Variants in ERC1 observed in about 807,000 individuals in gnomAD.
ERC1 encodes RAB6 interacting protein 2.
ERC1 carries 56 observed loss-of-function variants against 132.0 expected under a neutral mutation model. The ratio of observed to expected loss-of-function variants is 0.42; its 90% CI spans 0.34 to 0.53. ERC1 has a LOEUF of 0.53. ERC1 is among the 20% of genes least tolerant of loss of function. The probability of loss-of-function intolerance (pLI) is 0.03; values close to 1 mark genes in which losing one functional copy is unlikely to be tolerated. For synonymous variants in ERC1, 478 were observed against 476.1 expected (o/e 1.00, Z -0.05); for missense variants, 1,202 against 1,349.9 (o/e 0.89, Z 1.72).
In ERC1 at chr12:1,309,274, CA is replaced by C. The variant is rs550179495; in HGVS notation, c.2780+19264del. Reference sequence around the variant, plus strand: ...TGTCGTATTGAACTGTGAAATACCACAAGCTAGTAATTTGCACACTGTCTGA... The same window carrying C: ...TGTCGTATTGAACTGTGAAATACCACAGCTAGTAATTTGCACACTGTCTGA... On this transcript the variant is annotated intron_variant, in intron 15 of 18. Transcript: ENST00000360905. 2.2e-3 allele frequency among the ~76,000 whole-genome samples: 329 copies of C among 152,294 alleles called. 5 individuals are homozygous for C. Among genetic ancestry groups the C allele is most frequent in the African/African-American group, 7.5e-3 (313 of 41,562 alleles).
chr12:1,440,889 A>G lies in ERC1; in HGVS notation c.3025-3673A>G, dbSNP rs549507138. On this transcript the variant is annotated intron_variant, in intron 17 of 18. Coordinates refer to ENST00000360905, the MANE Select transcript of ERC1 (RefSeq NM_178040.4). Reference sequence around the variant, plus strand: ...TCGAACTCCTGTCCCCAAGTGATCCACCCACCTTGCCCTCCCAAAGTGCTG... The same window carrying G: ...TCGAACTCCTGTCCCCAAGTGATCCGCCCACCTTGCCCTCCCAAAGTGCTG... 2.8e-3 allele frequency among the ~76,000 whole-genome samples: 417 copies of G among 150,160 alleles called. 6 individuals are homozygous for G. Among genetic ancestry groups the G allele is most frequent in the Non-Finnish European group, 7.4e-4 (50 of 67,396 alleles).
chr12:1,193,992 G>A (rs775004732), intron 12 of ERC1, among the ~76,000 whole-genome samples: 4 of 152,152 alleles, frequency 2.6e-5, no homozygotes, highest in Non-Finnish European at 4.4e-5. Flanking sequence ...TTGAAAAGTC[G>A]TTAGATAAGT....
At chr12:1,142,753 C>G (rs1257776578) in intron 8 of ERC1, among the ~76,000 whole-genome samples, 1 of 152,106 alleles carries the variant, frequency 6.6e-6, no homozygotes, top group East Asian at 1.9e-4. Context: ...TATTTAACAT[C>G]CTTTGTATTT....
At chr12:1,022,641 T>C (rs1420839461) in intron 1 of ERC1, among the ~76,000 whole-genome samples, 2 of 152,138 alleles carry the variant, frequency 1.3e-5, no homozygotes, top group Non-Finnish European at 2.9e-5. Context: ...CATGCTGTTC[T>C]GATAGTGAGT....
chr12:1,411,466 T>A (rs954811383), intron 17 of ERC1, among the ~76,000 whole-genome samples: 2 of 151,760 alleles, frequency 1.3e-5, no homozygotes, highest in African/African-American at 4.8e-5. Context: ...AGAGGTAAGT[T>A]GTGGAAAGGG....
intron 15 of ERC1, among the ~76,000 whole-genome samples, chr12:1,312,504 G>A (rs1057042801): frequency 6.6e-6 from 1 of 152,042 alleles, no homozygotes; most frequent in Non-Finnish European, 1.5e-5. Context: ...GATTATAGGT[G>A]CCTGCCACCA....
intron 12 of ERC1, among the ~76,000 whole-genome samples, chr12:1,209,257 CTG>C (rs1957641278): frequency 6.6e-6 from 1 of 152,160 alleles, no homozygotes; most frequent in Non-Finnish European, 1.5e-5. Context: ...GCGTGATAAA[CTG>C]TTTTTAAAGC....
intron 7 of ERC1, among the ~76,000 whole-genome samples, chr12:1,137,981 GTA>G (rs1228230816): frequency 3.3e-5 from 4 of 121,492 alleles, no homozygotes; most frequent in Non-Finnish European, 6.7e-5. Flanking sequence ...ATCATATATA[GTA>G]TATATAATAT....
In ERC1 at chr12:1,115,922, G is replaced by T. The variant is rs549447178; in HGVS notation, c.1458G>T (p.Gln486His). The T allele has an allele frequency of 5.6e-6, 9 of 1,614,144 alleles. 1 individual carries two copies. The highest frequency in any genetic ancestry group is 4.4e-5 in the South Asian group (4 of 91,086). The change falls in exon 7 of 19, where the codon CAG (glutamine) becomes CAT (histidine). Residue 486 changes from glutamine (Q) to histidine (H), a missense_variant. By Grantham distance (24) the Gln-to-His change is conservative (BLOSUM62 0). Coordinates refer to ENST00000360905, the MANE Select transcript of ERC1 (RefSeq NM_178040.4). ...SRKDTELLAL[Q>H]TKLETLTNQF... ...AGGACACAGAACTACTCGCCCTGCA[G>T]ACAAAGCTAGAAACACTCACAAACC...
At chr12:1,149,995 C>T (rs1339407259) in intron 8 of ERC1, among the ~76,000 whole-genome samples, 2 of 152,124 alleles carry the variant, frequency 1.3e-5, no homozygotes, top group South Asian at 2.1e-4. Flanking sequence ...TGAGAAGAAT[C>T]GAATCAAGAT....
At chr12:1,049,403 AAAAC>A (rs1458082283) in intron 2 of ERC1, among the ~76,000 whole-genome samples, 31 of 152,306 alleles carry the variant, frequency 2.0e-4, no homozygotes, top group Middle Eastern at 3.4e-3. Context: ...AGAAACTTAA[AAAAC>A]AAACAAACCA....
chr12:1,155,358 C>A (rs1951279374), intron 8 of ERC1, among the ~76,000 whole-genome samples: 1 of 150,086 alleles, frequency 6.7e-6, no homozygotes, highest in Non-Finnish European at 1.5e-5. Flanking sequence ...TTTCATCCAG[C>A]AGTCCCACTA....
intron 2 of ERC1, among the ~76,000 whole-genome samples, chr12:1,071,075 G>A (rs1054596750): frequency 5.9e-5 from 9 of 152,088 alleles, no homozygotes; most frequent in Non-Finnish European, 1.2e-4. Context: ...TGTGAATGTG[G>A]TACTATCAGT....
intron 2 of ERC1, among the ~76,000 whole-genome samples, chr12:1,040,317 C>CTTTTTTTTT (rs1213718465): frequency 1.4e-5 from 2 of 146,428 alleles, no homozygotes; most frequent in Admixed American, 6.9e-5. Flanking sequence ...TTCTTTTTTT[C>CTTTTTTTTT]TTTTTTCTTT....
At chr12:1,484,784 G>T (rs1342971682) in intron 18 of ERC1, among the ~76,000 whole-genome samples, 1 of 152,002 alleles carries the variant, frequency 6.6e-6, no homozygotes, top group Non-Finnish European at 1.5e-5. Context: ...GTTTCACCAT[G>T]CTAGTCAGGC....
intron 14 of ERC1, among the ~76,000 whole-genome samples, chr12:1,273,638 C>T (rs1030603172): frequency 6.6e-6 from 1 of 152,074 alleles, no homozygotes; most frequent in Non-Finnish European, 1.5e-5. Flanking sequence ...TGATATTTTG[C>T]TTTTATTTAA....
At chr12:1,315,400 G>C (rs1421750170) in intron 15 of ERC1, among the ~76,000 whole-genome samples, 1 of 152,048 alleles carries the variant, frequency 6.6e-6, no homozygotes, top group Non-Finnish European at 1.5e-5. Context: ...ACCCAGGCTA[G>C]AGTGCAGTGG....
chr12:1,197,972 G>A (rs1323804115), intron 12 of ERC1, among the ~76,000 whole-genome samples: 3 of 151,722 alleles, frequency 2.0e-5, no homozygotes, highest in African/African-American at 7.3e-5. Context: ...CTCATCCAGG[G>A]TGGAGTGCAG....
upstream of ERC1, chr12:990,978 CCG>C (rs1959182261): frequency 6.7e-6 from 1 of 150,056 alleles, no homozygotes; most frequent in African/African-American, 2.5e-5. Context: ...CAGGGACGCT[CCG>C]CGCCCATCAC....
Sources: allele counts gnomAD v4.1 joint callset (sites outside exome capture counted in the v4.1 genomes callset), GRCh38; gene constraint gnomAD v4.1.1; transcripts MANE v1.5; gene names NCBI Gene and HGNC (gene_info 2026-07-23, HGNC 2026-07-21).